GRIP1: variants seen among roughly 807,000 people sequenced by gnomAD.
GRIP1 encodes glutamate receptor interacting protein 1.
Under a neutral mutation model 129.9 loss-of-function variants are expected in GRIP1, and 45 were observed. The ratio of observed to expected loss-of-function variants is 0.35; its 90% CI spans 0.27 to 0.44. The LOEUF (loss-of-function observed/expected upper bound fraction) is 0.44, where lower values mean the gene tolerates loss of function less well. GRIP1 is among the 20% of genes least tolerant of loss of function. The pLI is 1.00. For missense variants in GRIP1, 1,196 were observed against 1,396.8 expected (o/e 0.86, Z 2.29); for synonymous variants, 530 against 520.8 (o/e 1.02, Z -0.24).
At chr12:66,831,143 G>A (rs1256754510) in intron 1 of GRIP1, among the ~76,000 whole-genome samples, 2 of 151,872 alleles carry the variant, frequency 1.3e-5, no homozygotes, top group African/African-American at 2.4e-5. Context: ...TGCGAGCTAC[G>A]GCACACAGCT....
chr12:66,715,471 T>TGTGTGTGTGAGAGAGAGAGA (rs761155485), intron 1 of GRIP1, among the ~76,000 whole-genome samples: 9 of 110,140 alleles, frequency 8.2e-5, no homozygotes, highest in East Asian at 7.6e-4. Flanking sequence ...TGTGTGTGTG[T>TGTGTGTGTGAGAGAGAGAGA]GAGAGAGAGA....
rs567272663 is a variant in GRIP1, at chr12:67,000,572, C to G, written c.58+68478G>C. Among the ~76,000 whole-genome samples the G allele has an allele frequency of 5.3e-5, 8 of 152,332 alleles. 1 individual carries two copies. The South Asian group carries it at 1.7e-3, about 32-fold the overall frequency. ...AACTTCCATCCATGTTAGCTTTGCA[C>G]TCTAATTTAGATTGTTCTGTCTCCT... On this transcript the variant is annotated intron_variant, in intron 1 of 1. Coordinates refer to the GRIP1 transcript ENST00000643019.
chr12:67,048,588 T>C (rs1387073014), intron 1 of GRIP1, among the ~76,000 whole-genome samples: 1 of 151,772 alleles, frequency 6.6e-6, no homozygotes, highest in African/African-American at 2.4e-5. Context: ...AGCTCCCAAA[T>C]AGCTGGGACT....
intron 1 of GRIP1, among the ~76,000 whole-genome samples, chr12:66,832,065 G>C (rs2039529411): frequency 6.6e-6 from 1 of 152,144 alleles, no homozygotes; most frequent in Non-Finnish European, 1.5e-5. Context: ...GACAAGTTGT[G>C]AATTGAGACA....
At chr12:66,782,670 T>C (rs962409235) in intron 1 of GRIP1, among the ~76,000 whole-genome samples, 2 of 152,158 alleles carry the variant, frequency 1.3e-5, no homozygotes, top group Non-Finnish European at 2.9e-5. Context: ...CCAAATTGCA[T>C]AGGTAGTTAG....
At chr12:66,921,567 G>C (rs537629264) in intron 1 of GRIP1, among the ~76,000 whole-genome samples, 116 of 152,282 alleles carry the variant, frequency 7.6e-4, no homozygotes, top group Non-Finnish European at 1.5e-3. Context: ...CAGCATAGTA[G>C]GGATGGGGCA....
At chr12:66,474,076 G>C (rs2059528241) in intron 7 of GRIP1, among the ~76,000 whole-genome samples, 1 of 151,898 alleles carries the variant, frequency 6.6e-6, no homozygotes, top group African/African-American at 2.4e-5. Flanking sequence ...AGGAAGCTAA[G>C]AACCTTGAAA....
At chr12:66,606,547 G>A (rs1300342193) in intron 1 of GRIP1, among the ~76,000 whole-genome samples, 1 of 152,120 alleles carries the variant, frequency 6.6e-6, no homozygotes. Flanking sequence ...GAGCATTCAT[G>A]AGATGCCAAC....
intron 1 of GRIP1, among the ~76,000 whole-genome samples, chr12:66,733,267 T>C (rs2036495197): frequency 6.6e-6 from 1 of 152,222 alleles, no homozygotes; most frequent in African/African-American, 2.4e-5. Context: ...GACTGCTAAT[T>C]GGTGAACTAA....
intron 7 of GRIP1, among the ~76,000 whole-genome samples, chr12:66,501,515 T>G (rs942586536): frequency 6.6e-6 from 1 of 152,196 alleles, no homozygotes; most frequent in Non-Finnish European, 1.5e-5. Context: ...GTAATCTTAA[T>G]TAGTACTTAA....
intron 1 of GRIP1, among the ~76,000 whole-genome samples, chr12:66,618,221 T>G (rs968438687): frequency 6.6e-6 from 1 of 152,184 alleles, no homozygotes; most frequent in African/African-American, 2.4e-5. Flanking sequence ...TGTGCCAACA[T>G]GCAAAGATCT....
chr12:66,762,644 C>T (rs972890208), intron 1 of GRIP1, among the ~76,000 whole-genome samples: 1 of 152,312 alleles, frequency 6.6e-6, no homozygotes, highest in Middle Eastern at 3.4e-3. Flanking sequence ...ACAAACACCA[C>T]TAACACCATT....
chr12:66,392,244 G>T, intron 19 of GRIP1, 64 bp downstream of exon 19: 1 of 949,542 alleles, frequency 1.1e-6, no homozygotes, highest in Non-Finnish European at 1.7e-6. Context: ...AGCAGAGGAT[G>T]AATCTTGGAG....
At chr12:66,592,870 T>C (rs1384390280) in intron 2 of GRIP1, among the ~76,000 whole-genome samples, 2 of 152,236 alleles carry the variant, frequency 1.3e-5, no homozygotes, top group Non-Finnish European at 2.9e-5. Context: ...GGAGAATCAA[T>C]AGATTCTTTT....
chr12:66,623,170 T>C (rs1477243700), intron 1 of GRIP1, among the ~76,000 whole-genome samples: 1 of 152,170 alleles, frequency 6.6e-6, no homozygotes, highest in Admixed American at 6.6e-5. Flanking sequence ...ACAAGAAATA[T>C]TTTCATGGAG....
intron 15 of GRIP1, among the ~76,000 whole-genome samples, chr12:66,408,718 A>C (rs895027148): frequency 2.0e-5 from 3 of 152,154 alleles, no homozygotes; most frequent in African/African-American, 7.2e-5. Context: ...TAGAGTACCA[A>C]GTGGGCTCTT....
chr12:66,377,941 A>C (rs1459398173), intron 20 of GRIP1, among the ~76,000 whole-genome samples: 1 of 140,554 alleles, frequency 7.1e-6, no homozygotes, highest in African/African-American at 2.6e-5. Flanking sequence ...ACGAGAAATC[A>C]AATTTTTCTC....
intron 1 of GRIP1, among the ~76,000 whole-genome samples, chr12:67,062,133 AC>A (rs1477248744): frequency 2.6e-5 from 4 of 152,128 alleles, no homozygotes; most frequent in African/African-American, 7.2e-5. Flanking sequence ...GCTTTCTAAG[AC>A]AAAAATCTGA....
At chr12:66,772,357 C>T (rs557283460) in intron 1 of GRIP1, among the ~76,000 whole-genome samples, 3 of 152,348 alleles carry the variant, frequency 2.0e-5, no homozygotes, top group African/African-American at 7.2e-5. Flanking sequence ...AGAAAGAATA[C>T]TAAAATGTAA....
Sources: allele counts gnomAD v4.1 joint callset (sites outside exome capture counted in the v4.1 genomes callset), GRCh38; gene constraint gnomAD v4.1.1; transcripts MANE v1.5; gene names NCBI Gene and HGNC (gene_info 2026-07-23, HGNC 2026-07-21).